Variants in WWOX observed in about 807,000 individuals in gnomAD.
WWOX encodes WW domain containing oxidoreductase.
WWOX carries 69 observed loss-of-function variants against 46.2 expected under a neutral mutation model. The observed-to-expected ratio is 1.49, with a 90% confidence interval of 1.23 to 1.82. The LOEUF is 1.82. Ranked by LOEUF, WWOX falls within the 40% of genes most tolerant of loss-of-function variation. WWOX has a pLI of 0.00. For synonymous variants in WWOX, 359 were observed against 202.6 expected (o/e 1.77, Z -6.56); for missense variants, 919 against 542.6 (o/e 1.69, Z -6.89).
chr16:79,200,394 A>C (rs2051323358), intron 8 of WWOX, among the ~76,000 whole-genome samples: 1 of 152,208 alleles, frequency 6.6e-6, no homozygotes. Flanking sequence ...GTATGGAGTT[A>C]GAACATTACA....
At chr16:79,128,913 C>G (rs898594669) in intron 8 of WWOX, among the ~76,000 whole-genome samples, 23 of 152,164 alleles carry the variant, frequency 1.5e-4, no homozygotes, top group Non-Finnish European at 8.8e-5. Context: ...ACAACCCGCA[C>G]AAAGGTGCCA....
rs60074156 is a variant in WWOX at position 79,074,409 on chromosome 16, CTTTTTTT to C, written c.1057-137172_1057-137166del. On this transcript the variant is annotated intron_variant, in intron 8 of 8. Transcript: ENST00000566780. ...CATCCTGACTGAAATGTCACTAGTCCTTTTTTTTTTTTTTTTTTTTTTTTTTTTTTTT... is the reference window on the plus strand; with the variant it reads ...CATCCTGACTGAAATGTCACTAGTCCTTTTTTTTTTTTTTTTTTTTTTTTT... Among the ~76,000 whole-genome samples, 163 of 30,988 alleles carry C rather than the reference CTTTTTTT, an allele frequency of 5.3e-3. 2 individuals carry two copies. Among genetic ancestry groups the C allele is most frequent in the African/African-American group, 0.018 (132 of 7,472 alleles). 20.3% of individuals were successfully genotyped at this position (30,988 alleles called of 152,430 possible).
chr16:78,589,307 T>C (rs561129286), intron 8 of WWOX, among the ~76,000 whole-genome samples: 2 of 152,364 alleles, frequency 1.3e-5, no homozygotes, highest in African/African-American at 2.4e-5. Flanking sequence ...TAGTCCATTC[T>C]GTATTAGTCC....
intron 8 of WWOX, among the ~76,000 whole-genome samples, chr16:78,993,890 G>A (rs531032029): frequency 3.9e-5 from 6 of 152,172 alleles, no homozygotes; most frequent in Non-Finnish European, 8.8e-5. Flanking sequence ...TTTCGTGTCC[G>A]TTGGGTGCAG....
chr16:78,757,155 C>T lies in WWOX; in HGVS notation c.1056+324403C>T, dbSNP rs761952603. 43 of 620,102 alleles carry T rather than the reference C, an allele frequency of 6.9e-5. 1 individual carries two copies. Among genetic ancestry groups the T allele is most frequent in the Admixed American group, 1.1e-4 (4 of 36,122 alleles). The allele number at this position is 620,102 out of a possible 1,614,324, so 38.4% of individuals were successfully genotyped here. A position where few individuals can be genotyped will look rare whatever the true frequency, so the allele number is the denominator to read the frequency against. Reference sequence around the variant, plus strand: ...GAGCTAAGCTGCTCACAAGTTTCTGCACCACAGAAATTCTTGTGCGAGATA... The same window carrying T: ...GAGCTAAGCTGCTCACAAGTTTCTGTACCACAGAAATTCTTGTGCGAGATA... On this transcript the variant is annotated intron_variant, in intron 8 of 8. Coordinates refer to ENST00000566780, the MANE Select transcript of WWOX (RefSeq NM_016373.4).
chr16:78,354,312 C>CTTTTTTTTTTTTTT (rs55635025), intron 5 of WWOX, among the ~76,000 whole-genome samples: 1 of 123,304 alleles, frequency 8.1e-6, no homozygotes, highest in South Asian at 2.5e-4. Context: ...ATGTGCTTAA[C>CTTTTTTTTTTTTTT]TTTTTTTTTT....
At chr16:79,183,736 A>G (rs1195355633) in intron 8 of WWOX, among the ~76,000 whole-genome samples, 1 of 152,132 alleles carries the variant, frequency 6.6e-6, no homozygotes, top group Admixed American at 6.5e-5. Context: ...TATTGCACCC[A>G]CTCTACAGAT....
intron 8 of WWOX, among the ~76,000 whole-genome samples, chr16:78,801,930 C>G (rs1047030523): frequency 2.6e-5 from 4 of 151,874 alleles, no homozygotes; most frequent in African/African-American, 9.7e-5. Flanking sequence ...TAACCTCTTT[C>G]AATGTTTTTT....
intron 8 of WWOX, among the ~76,000 whole-genome samples, chr16:79,189,134 C>A (rs962934651): frequency 1.8e-4 from 28 of 152,072 alleles, no homozygotes; most frequent in African/African-American, 6.5e-4. Flanking sequence ...ATGGTATTGC[C>A]CCTGGGACAT....
chr16:78,357,113 T>A (rs2151910656), intron 5 of WWOX, among the ~76,000 whole-genome samples: 1 of 152,300 alleles, frequency 6.6e-6, no homozygotes, highest in East Asian at 1.9e-4. Flanking sequence ...GACCTTCCTT[T>A]CTCAGAGCCT....
intron 8 of WWOX, among the ~76,000 whole-genome samples, chr16:79,123,850 A>AT (rs1278419343): frequency 6.6e-6 from 1 of 152,204 alleles, no homozygotes; most frequent in Non-Finnish European, 1.5e-5. Context: ...AGAGAAACTG[A>AT]TTGATATACA....
At chr16:78,530,475 C>G (rs372965835) in intron 8 of WWOX, among the ~76,000 whole-genome samples, 10 of 152,304 alleles carry the variant, frequency 6.6e-5, no homozygotes, top group African/African-American at 2.4e-4. Flanking sequence ...TCAAGCTGTT[C>G]TTCTGAAGTC....
chr16:78,759,773 C>G (rs1219948521), intron 8 of WWOX, among the ~76,000 whole-genome samples: 1 of 152,158 alleles, frequency 6.6e-6, no homozygotes, highest in Non-Finnish European at 1.5e-5. Context: ...AATGTCTTAT[C>G]TTACAGTTCT....
At chr16:78,968,367 G>T (rs1408196767) in intron 8 of WWOX, among the ~76,000 whole-genome samples, 3 of 152,198 alleles carry the variant, frequency 2.0e-5, no homozygotes, top group African/African-American at 7.2e-5. Flanking sequence ...TGGCCATTTT[G>T]TGTAGATGGA....
intron 8 of WWOX, among the ~76,000 whole-genome samples, chr16:78,662,481 G>A (rs543103795): frequency 1.3e-5 from 2 of 152,080 alleles, no homozygotes; most frequent in African/African-American, 4.8e-5. Flanking sequence ...ACCTCACTGA[G>A]CACCTACCAT....
intron 8 of WWOX, among the ~76,000 whole-genome samples, chr16:78,753,825 AATATATATATATATAT>A (rs1159243014): frequency 4.7e-5 from 1 of 21,354 alleles, no homozygotes; most frequent in African/African-American, 9.8e-5. Context: ...AAAAAAAAAA[AATATATATATATATAT>A]ATATATATAT....
intron 8 of WWOX, among the ~76,000 whole-genome samples, chr16:78,758,908 T>C (rs908296508): frequency 2.0e-5 from 3 of 148,504 alleles, no homozygotes; most frequent in Non-Finnish European, 4.5e-5. Context: ...CAGCATTTTA[T>C]ATTTTGCATT....
chr16:78,780,233 A>G (rs919437172), intron 8 of WWOX, among the ~76,000 whole-genome samples: 1 of 151,948 alleles, frequency 6.6e-6, no homozygotes, highest in Non-Finnish European at 1.5e-5. Context: ...CATTCTTAAC[A>G]TCTCTGGAAG....
In WWOX at chr16:78,558,203, GTT is replaced by G. The variant is rs1476125240; in HGVS notation, c.1056+125455_1056+125456del. On this transcript the variant is annotated intron_variant, in intron 8 of 8. Transcript: ENST00000566780. ...CCCGGAGGTCAGCTTTATTTTCAGTGTTTTTGCCCTTCCGATCCCTGGGTAAG... is the reference window on the plus strand; with the variant it reads ...CCCGGAGGTCAGCTTTATTTTCAGTGTTTGCCCTTCCGATCCCTGGGTAAG... 3.9e-5 allele frequency among the ~76,000 whole-genome samples: 6 copies of G among 152,082 alleles called. No individual in the cohort carries two copies. The East Asian group carries it at 1.2e-3, about 29-fold the overall frequency.
Sources: allele counts gnomAD v4.1 joint callset (sites outside exome capture counted in the v4.1 genomes callset), GRCh38; gene constraint gnomAD v4.1.1; transcripts MANE v1.5; gene names NCBI Gene and HGNC (gene_info 2026-07-23, HGNC 2026-07-21).